MRPS6: variants seen among roughly 807,000 people sequenced by gnomAD.
The protein encoded by MRPS6 is mitochondrial ribosomal protein S6.
MRPS6 carries 6 observed loss-of-function variants against 13.1 expected under a neutral mutation model. The observed-to-expected ratio is 0.46, with a 90% CI of 0.25 to 0.91. MRPS6 has a LOEUF of 0.91. Ranked by LOEUF, MRPS6 falls within the 40% of genes least tolerant of loss-of-function variation. The pLI is 0.18. For missense variants in MRPS6, 164 were observed against 155.6 expected, an observed-to-expected ratio of 1.05 and a Z score of -0.29; for synonymous variants, 61 against 56.5, an observed-to-expected ratio of 1.08 and a Z score of -0.36.
chr21:34,097,109 T>C (rs779221931), intron 1 of MRPS6: 14 of 1,613,866 alleles, frequency 8.7e-6, no homozygotes, highest in Admixed American at 1.7e-5. Flanking sequence ...GGCAAGCAGC[T>C]CTCATGGGTG....
chr21:34,085,945 C>G (rs1028580281), intron 1 of MRPS6, among the ~76,000 whole-genome samples: 1 of 152,200 alleles, frequency 6.6e-6, no homozygotes. Flanking sequence ...TTACACCTAA[C>G]TACAATTCCT....
chr21:34,127,477 A>T (rs926227809), intron 2 of MRPS6, among the ~76,000 whole-genome samples: 1 of 152,236 alleles, frequency 6.6e-6, no homozygotes, highest in African/African-American at 2.4e-5. Flanking sequence ...AATGATGAGA[A>T]GCCCTTCAGT....
At chr21:34,117,799 A>G (rs144544170) in intron 1 of MRPS6, among the ~76,000 whole-genome samples, 2,050 of 152,156 alleles carry the variant, frequency 0.013, 20 homozygotes, top group Non-Finnish European at 0.02. Flanking sequence ...TCTCCTGTGT[A>G]TGTATGTATC....
At chr21:34,141,096 TCTTCC>T (rs1980891882) in intron 2 of MRPS6, among the ~76,000 whole-genome samples, 1 of 152,248 alleles carries the variant, frequency 6.6e-6, no homozygotes, top group Admixed American at 6.5e-5. Flanking sequence ...TTCAACTTGA[TCTTCC>T]CAGCTTCCTG....
At chr21:34,074,051 C>T (rs1055754603) in intron 1 of MRPS6, among the ~76,000 whole-genome samples, 12 of 146,096 alleles carry the variant, frequency 8.2e-5, no homozygotes, top group African/African-American at 3.0e-4. Flanking sequence ...ACCCCGATCC[C>T]GGCGCCGGCC....
rs35707420 is a variant in MRPS6, at chr21:34,096,306, G to A, written c.45+22561G>A. ...GGGCCTTCGGGGTTTAATGATGGCA[G>A]TGATGATTGCAGCTCTGATGAGTGA... On this transcript the variant is annotated intron_variant, in intron 1 of 2. Coordinates refer to ENST00000399312, the MANE Select transcript of MRPS6 (RefSeq NM_032476.4). This position sits in a 1 kb window ranked among gnomAD's most constrained non-coding sequence, Gnocchi z 5.9. 6.9e-3 allele frequency: 11,062 copies of A among 1,614,110 alleles called. 40 individuals are homozygous for A. The highest frequency in any genetic ancestry group is 8.9e-3 in the Middle Eastern group (54 of 6,062).
chr21:34,103,094 T>C, intron 1 of MRPS6: 4 of 1,000,090 alleles, frequency 4.0e-6, no homozygotes, highest in Non-Finnish European at 4.8e-6. Flanking sequence ...GTTGTTATAA[T>C]TGGAAACAGA....
chr21:34,087,568 A>G (rs1193673714), intron 1 of MRPS6, among the ~76,000 whole-genome samples: 2 of 152,214 alleles, frequency 1.3e-5, no homozygotes, highest in Admixed American at 6.5e-5. Flanking sequence ...GATAAATACA[A>G]AGTTGGAAGG....
intron 2 of MRPS6, among the ~76,000 whole-genome samples, chr21:34,130,336 C>T (rs1009810678): frequency 2.6e-5 from 4 of 152,182 alleles, no homozygotes; most frequent in African/African-American, 9.7e-5. Flanking sequence ...AGTTTTCCCC[C>T]TGGACAACTA....
chr21:34,105,736 GTC>G, intron 1 of MRPS6: 7 of 998,132 alleles, frequency 7.0e-6, no homozygotes, highest in Non-Finnish European at 8.5e-6. Context: ...ACCTTCTGTT[GTC>G]TACAGCTTTT....
rs1488554318 is a variant in MRPS6, at chr21:34,098,147, A to G, written c.45+24402A>G. On this transcript the variant is annotated intron_variant, in intron 1 of 2. Transcript: ENST00000399312. Reference sequence around the variant, plus strand: ...CTGATGATCCCCATATTTATTGATCATATTAAGGTTGTTTATATAGTTTGG... The same window carrying G: ...CTGATGATCCCCATATTTATTGATCGTATTAAGGTTGTTTATATAGTTTGG... 1.3e-5 allele frequency: 13 copies of G among 1,000,018 alleles called. No individual in the cohort carries two copies. In the South Asian group the frequency reaches 1.9e-4, roughly 14 times the overall value. 61.9% of individuals were successfully genotyped at this position (1,000,018 alleles called of 1,614,324 possible). A position where few individuals can be genotyped will look rare whatever the true frequency, so the allele number is the denominator to read the frequency against.
chr21:34,132,285 G>A (rs989414442), intron 2 of MRPS6, among the ~76,000 whole-genome samples: 19 of 152,316 alleles, frequency 1.2e-4, no homozygotes, highest in Admixed American at 1.0e-3. Context: ...TTTTGGTAGC[G>A]TTTTCTTTCT....
chr21:34,078,431 A>G (rs1989384558), intron 1 of MRPS6, among the ~76,000 whole-genome samples: 2 of 152,084 alleles, frequency 1.3e-5, no homozygotes, highest in African/African-American at 2.4e-5. Context: ...CTCACCAGAT[A>G]TGGTTTGTAT....
intron 1 of MRPS6, chr21:34,103,773 CA>C: frequency 1.0e-6 from 1 of 1,000,018 alleles, no homozygotes; most frequent in South Asian, 4.7e-5. Context: ...GGAATAATCT[CA>C]ATAAGTTTGT....
intron 1 of MRPS6, chr21:34,097,555 A>G: frequency 7.4e-7 from 1 of 1,356,620 alleles, no homozygotes; most frequent in East Asian, 2.9e-5. Context: ...AGTGAAGCCA[A>G]ACCTAACAGA....
At chr21:34,126,716 C>T (rs748293192) in intron 2 of MRPS6, among the ~76,000 whole-genome samples, 26 of 152,138 alleles carry the variant, frequency 1.7e-4, no homozygotes, top group African/African-American at 9.7e-5. Context: ...GAGTCATTAG[C>T]GCAGTTCTTG....
chr21:34,077,788 T>A (rs1422692970), intron 1 of MRPS6, among the ~76,000 whole-genome samples: 1 of 152,226 alleles, frequency 6.6e-6, no homozygotes, highest in Non-Finnish European at 1.5e-5. Context: ...AATTTGAATA[T>A]AGAAAAGTAT....
chr21:34,102,400 C>G, intron 1 of MRPS6: 1 of 999,852 alleles, frequency 1.0e-6, no homozygotes, highest in Non-Finnish European at 1.2e-6. Flanking sequence ...ATCTAAACTT[C>G]TTTATAAAAA....
chr21:34,117,033 T>G (rs1979946484), intron 1 of MRPS6, among the ~76,000 whole-genome samples: 1 of 152,128 alleles, frequency 6.6e-6, no homozygotes, highest in African/African-American at 2.4e-5. Flanking sequence ...TCTGACTGAT[T>G]CCCCACACTA....
Sources: allele counts gnomAD v4.1 joint callset (sites outside exome capture counted in the v4.1 genomes callset), GRCh38; gene constraint gnomAD v4.1.1; non-coding constraint Gnocchi (gnomAD v3.1); transcripts MANE v1.5; gene names NCBI Gene and HGNC (gene_info 2026-07-23, HGNC 2026-07-21).